Variants in HRH1 observed in about 807,000 individuals in gnomAD.
HRH1 encodes the protein histamine H1 receptor.
In HRH1, 6 loss-of-function variants were observed where a neutral mutation model predicts 10.3. The observed-to-expected ratio is 0.58, with a 90% CI of 0.32 to 1.15. The LOEUF is 1.15. Among genes scored for constraint, HRH1 ranks in the 50% most tolerant of loss-of-function variants. HRH1 has a pLI of 0.05. For missense variants in HRH1, 514 were observed against 615.3 expected (o/e 0.84, Z 1.74); for synonymous variants, 242 against 236.7 (o/e 1.02, Z -0.21).
In HRH1 at chr3:11,259,245, T is replaced by G. The variant is rs1939869846; in HGVS notation, c.208T>G (p.Ser70Ala). The change falls in exon 2 of 2, where the codon TCG becomes GCG. Residue 70 changes from serine to alanine, a missense_variant. Coordinates refer to ENST00000431010, the MANE Select transcript of HRH1 (RefSeq NM_001098212.2). This position sits in a 1 kb window ranked among gnomAD's most constrained non-coding sequence, Gnocchi z 4.6. The part of the protein sequence containing the change: ...TVGNLYIVSL[S>A]VADLIVGAVV... ...GGGGAACCTGTACATCGTCAGCCTCTCGGTGGCGGACTTGATCGTGGGTGC... is the reference window on the plus strand; with the variant it reads ...GGGGAACCTGTACATCGTCAGCCTCGCGGTGGCGGACTTGATCGTGGGTGC... 2 of 1,613,394 alleles carry G rather than the reference T, an allele frequency of 1.2e-6. No individual in the cohort carries two copies. Among genetic ancestry groups the G allele is most frequent in the Admixed American group, 3.3e-5 (2 of 59,940 alleles).
rs1575051802 is a variant in HRH1, at chr3:11,262,189, A to C, written c.*1688A>C. On this transcript the variant is annotated 3_prime_UTR_variant, in exon 2 of 2. Transcript: ENST00000431010. Reference sequence around the variant, plus strand: ...TGCTAAACCACAATATGTATAGCATATGGAGTGCCTGTACAAGCTGATGTT... The same window carrying C: ...TGCTAAACCACAATATGTATAGCATCTGGAGTGCCTGTACAAGCTGATGTT... 2 of 167,132 alleles carry C rather than the reference A, an allele frequency of 1.2e-5. No individual in the cohort carries two copies. Among genetic ancestry groups the C allele is most frequent in the African/African-American group, 2.4e-5 (1 of 41,478 alleles). The allele number at this position is 167,132 out of a possible 1,614,324, so 10.4% of individuals were successfully genotyped here.
At chr3:11,184,969 T>TG (rs1377488272) in intron 1 of HRH1, among the ~76,000 whole-genome samples, 1 of 149,726 alleles carries the variant, frequency 6.7e-6, no homozygotes, top group Non-Finnish European at 1.5e-5. Context: ...TCAGTGGACA[T>TG]GGGGTTTAGC....
intron 1 of HRH1, among the ~76,000 whole-genome samples, chr3:11,195,957 T>C (rs1405985399): frequency 1.3e-5 from 2 of 152,224 alleles, no homozygotes; most frequent in Non-Finnish European, 2.9e-5. Context: ...TTTCGAGTTT[T>C]ATGCCCCCCA....
intron 1 of HRH1, among the ~76,000 whole-genome samples, chr3:11,216,338 C>T (rs1300911116): frequency 1.3e-5 from 2 of 152,182 alleles, no homozygotes; most frequent in East Asian, 1.9e-4. Context: ...TTCATAGCAG[C>T]ATTATTCACA....
upstream of HRH1, among the ~76,000 whole-genome samples, chr3:11,149,721 CA>C (rs2124999756): frequency 6.6e-6 from 1 of 152,358 alleles, no homozygotes; most frequent in African/African-American, 2.4e-5. Context: ...ACCGCAAAGA[CA>C]AACAGAATTT....
chr3:11,170,988 C>G (rs761763206), intron 1 of HRH1, among the ~76,000 whole-genome samples: 6 of 152,070 alleles, frequency 3.9e-5, no homozygotes, highest in South Asian at 2.1e-4. Context: ...GTTGGGAGAC[C>G]TTTCATAATT....
chr3:11,230,093 A>C (rs910884149), intron 1 of HRH1, among the ~76,000 whole-genome samples: 90 of 152,244 alleles, frequency 5.9e-4, no homozygotes, highest in African/African-American at 2.1e-3. Context: ...CAAAAGGAGT[A>C]GGTGGCTGGC....
upstream of HRH1, chr3:11,154,470 G>C (rs1379254198): frequency 4.8e-4 from 31 of 64,410 alleles, no homozygotes; most frequent in African/African-American, 2.0e-3. This position sits in a 1 kb window ranked among gnomAD's most constrained non-coding sequence, Gnocchi z 4.4. Flanking sequence ...GAGCTCCCCG[G>C]CGCCCCCGCC....
At chr3:11,250,034 C>CTTTTT (rs71055856) in intron 1 of HRH1, among the ~76,000 whole-genome samples, 9 of 60,798 alleles carry the variant, frequency 1.5e-4, no homozygotes, top group South Asian at 8.4e-4. Context: ...AAGCTTTTCT[C>CTTTTT]TTTTTTTTTT....
At chr3:11,145,672 C>T (rs977742544) in intron 1 of HRH1, among the ~76,000 whole-genome samples, 9 of 152,172 alleles carry the variant, frequency 5.9e-5, no homozygotes, top group African/African-American at 2.2e-4. Flanking sequence ...CCTGTCTATA[C>T]ATCTGTGTAA....
At chr3:11,185,256 A>G (rs1233637282) in intron 1 of HRH1, among the ~76,000 whole-genome samples, 1 of 152,174 alleles carries the variant, frequency 6.6e-6, no homozygotes, top group Non-Finnish European at 1.5e-5. Context: ...GAGGCTCAGG[A>G]ACCTGCACTT....
chr3:11,251,852 A>G (rs553870244), intron 1 of HRH1, among the ~76,000 whole-genome samples: 25 of 152,306 alleles, frequency 1.6e-4, no homozygotes, highest in African/African-American at 5.5e-4. Flanking sequence ...TTATTTTTCT[A>G]CTTTCTTCTG....
Position 11,231,755 on chromosome 3 carries a change from G to A in HRH1, c.-35-27248G>A, listed in dbSNP as rs189562860. On this transcript the variant is annotated intron_variant, in intron 1 of 1. Transcript: ENST00000431010. ...AATAGTAGTCCTTTCTTAGATATGT[G>A]GCTGGCAAATATTTTCTCCTTGTCT... 2.7e-3 allele frequency among the ~76,000 whole-genome samples: 405 copies of A among 152,232 alleles called. 2 individuals are homozygous for A. Among genetic ancestry groups the A allele is most frequent in the African/African-American group, 9.2e-3 (384 of 41,532 alleles).
At chr3:11,150,348 A>C (rs998404779), upstream of HRH1, among the ~76,000 whole-genome samples, 4 of 152,258 alleles carry the variant, frequency 2.6e-5, no homozygotes, top group Admixed American at 6.5e-5. Flanking sequence ...GCAGGAAACA[A>C]ATCAAGAGAA....
upstream of HRH1, among the ~76,000 whole-genome samples, chr3:11,150,838 A>T (rs1000008364): frequency 1.7e-4 from 26 of 152,140 alleles, no homozygotes; most frequent in African/African-American, 5.8e-4. Context: ...TTCCTAGAGG[A>T]GGGAAGAAGG....
intron 1 of HRH1, among the ~76,000 whole-genome samples, chr3:11,165,271 C>T (rs1462338784): frequency 1.3e-5 from 2 of 152,226 alleles, no homozygotes; most frequent in African/African-American, 2.4e-5. Context: ...TGTAATCCTT[C>T]TCATTCTCCG....
chr3:11,201,248 C>T (rs1937894772), intron 1 of HRH1, among the ~76,000 whole-genome samples: 1 of 152,220 alleles, frequency 6.6e-6, no homozygotes, highest in Non-Finnish European at 1.5e-5. Flanking sequence ...GAGGGGCTGA[C>T]AGAGGCAAGC....
rs535464439 is a variant in HRH1, at chr3:11,213,290, C to T, written c.-35-45713C>T. 1.8e-3 allele frequency among the ~76,000 whole-genome samples: 274 copies of T among 152,256 alleles called. 2 individuals carry two copies. Among genetic ancestry groups the T allele is most frequent in the East Asian group, 4.6e-3 (24 of 5,188 alleles). The stretch of plus-strand genomic sequence containing the variant: ...AATAAGTAAAGATTGGTTGATTGAA[C>T]GAATTAATGAATTCATTAATGAATG... On this transcript the variant is annotated intron_variant, in intron 1 of 1. Transcript: ENST00000431010.
At chr3:11,160,778 G>A (rs1227791964) in intron 1 of HRH1, among the ~76,000 whole-genome samples, 1 of 152,176 alleles carries the variant, frequency 6.6e-6, no homozygotes, top group Admixed American at 6.5e-5. Context: ...ATCTCTTTCT[G>A]AACTGTCTGT....
Sources: gnomAD v4.1 joint callset for allele counts (sites outside exome capture counted in the v4.1 genomes callset) on GRCh38, gnomAD v4.1.1 for gene constraint, Gnocchi (gnomAD v3.1) non-coding constraint, MANE v1.5 for transcripts, NCBI Gene and HGNC (gene_info 2026-07-23, HGNC 2026-07-21) for gene names.